Variants in DDX54 observed in about 807,000 individuals in gnomAD.
The protein encoded by DDX54 is ATP-dependent RNA helicase DDX54.
A neutral mutation model predicts 105.5 loss-of-function variants in DDX54; 67 were observed. That is an observed-to-expected ratio of 0.64 (90% CI 0.52 to 0.78). The LOEUF is 0.78. Among genes scored for constraint, DDX54 ranks in the 30% least tolerant of loss-of-function variants. The pLI is 0.00. For synonymous variants in DDX54, 514 were observed against 509.9 expected (o/e 1.01, Z -0.11); for missense variants, 1,206 against 1,230.5 (o/e 0.98, Z 0.30).
At chr12:113,175,316 C>T (rs1283036396) in intron 7 of DDX54, among the ~76,000 whole-genome samples, 159 bp from the exon 8 acceptor site, 3 of 152,192 alleles carry the variant, frequency 2.0e-5, no homozygotes, top group Admixed American at 2.0e-4. Flanking sequence ...TCCTAAACAA[C>T]AATAACCTTG....
At chr12:113,161,558 C>T (rs1160833069) in intron 18 of DDX54, 176 bp from the exon 19 acceptor site, 8 of 597,750 alleles carry the variant, frequency 1.3e-5, no homozygotes, top group African/African-American at 1.3e-4. Flanking sequence ...CTGCTCGGCC[C>T]CGCCCCCAGC....
Position 113,174,974 on chromosome 12 carries a change from G to C in DDX54, c.875-38C>G, listed in dbSNP as rs766278022. On this transcript the variant is annotated intron_variant, in intron 8 of 19. Coordinates refer to ENST00000306014, the MANE Select transcript of DDX54 (RefSeq NM_024072.4). ...TGGGGGAAAGTGGGGGAGTCGCAGA[G>C]GGACTGGCCCCCAGGCCCCAGCCTG... 4.3e-6 allele frequency: 7 copies of C among 1,611,600 alleles called. No individual in the cohort carries two copies. In the South Asian group the frequency reaches 6.6e-5, roughly 15 times the overall value.
intron 11 of DDX54, among the ~76,000 whole-genome samples, chr12:113,171,492 T>A (rs1172263141): frequency 6.6e-6 from 1 of 151,518 alleles, no homozygotes; most frequent in Admixed American, 6.6e-5. Context: ...TAATCCCAGC[T>A]ACTCGGGAGG....
At chr12:113,162,885 C>T (rs765049840) in intron 17 of DDX54, 47 bp downstream of exon 17, 19 of 1,515,758 alleles carry the variant, frequency 1.3e-5, no homozygotes, top group Middle Eastern at 1.8e-4. Context: ...GCAGCTCACT[C>T]GGTCACTCAC....
At chr12:113,180,211 A>G (rs1952450712) in intron 2 of DDX54, among the ~76,000 whole-genome samples, 2 of 152,146 alleles carry the variant, frequency 1.3e-5, no homozygotes, top group African/African-American at 4.8e-5. Context: ...TCTGATGTGA[A>G]CCCACTCTTG....
Position 113,169,790 on chromosome 12 carries a change from C to T in DDX54, c.1394G>A (p.Arg465Gln), listed in dbSNP as rs773602636. The change falls in exon 12 of 20, where the codon CGA becomes CAA. Residue 465 changes from arginine (R) to glutamine (Q), a missense_variant. Transcript: ENST00000306014. ...LFLGRSLTLA[R>Q]PLKEPSGVAG... ...CTCACCTGAGGGCTCCTTGAGGGGT[C>T]GGGCGAGGGTGAGGGAGCGGCCCAG... 2.9e-5 allele frequency: 46 copies of T among 1,613,816 alleles called. 1 individual carries two copies. The East Asian group carries it at 3.1e-4, about 11-fold the overall frequency.
Position 113,158,148 on chromosome 12 carries a change from G to C in DDX54, c.*729C>G, listed in dbSNP as rs918229381. The C allele has an allele frequency of 1.2e-5, 2 of 168,418 alleles. No homozygotes were observed. The highest frequency in any genetic ancestry group is 4.7e-5 in the African/African-American group (2 of 42,248). The allele number at this position is 168,418 out of a possible 1,614,324, so 10.4% of individuals were successfully genotyped here. ...TCAAACAGGGGGTGGGTGGCAAGAA[G>C]ACAGAGGACAGGCCAGGTTCTGACC... On this transcript the variant is annotated 3_prime_UTR_variant, in exon 20 of 20. Coordinates refer to ENST00000306014, the MANE Select transcript of DDX54 (RefSeq NM_024072.4). This position sits in a 1 kb window ranked among gnomAD's most constrained non-coding sequence, Gnocchi z 4.9.
chr12:113,157,259 T>C lies in DDX54; in HGVS notation c.*1618A>G. ...ACAAAAGGAGAGCCACCCACGGAGA[T>C]AAGAGTAGGTCACAAACCAATGAAT... On this transcript the variant is annotated 3_prime_UTR_variant, in exon 20 of 20. Coordinates refer to ENST00000306014, the MANE Select transcript of DDX54 (RefSeq NM_024072.4). 3.6e-6 allele frequency: 1 copy of C among 280,672 alleles called. No homozygotes were observed. The highest frequency in any genetic ancestry group is 6.7e-6 in the Non-Finnish European group (1 of 148,750). 17.4% of individuals were successfully genotyped at this position (280,672 alleles called of 1,614,324 possible).
intron 12 of DDX54, chr12:113,168,100 G>C (rs1396829006): frequency 2.6e-6 from 1 of 380,394 alleles, no homozygotes; most frequent in Non-Finnish European, 5.2e-6. Flanking sequence ...ACCCCGGCCA[G>C]GCCCCGCAGC....
intron 3 of DDX54, among the ~76,000 whole-genome samples, chr12:113,179,639 T>A (rs747420182): frequency 3.3e-5 from 5 of 152,098 alleles, no homozygotes; most frequent in Admixed American, 3.3e-4. Flanking sequence ...GGGCGAAATG[T>A]CTAAGAAGAA....
chr12:113,184,221 C>G (rs1228231885), intron 1 of DDX54, among the ~76,000 whole-genome samples: 1 of 152,178 alleles, frequency 6.6e-6, no homozygotes, highest in African/African-American at 2.4e-5. Context: ...GCTGGGATTA[C>G]AGGCGTGAGC....
At chr12:113,177,837 G>A (rs1022619810) in intron 5 of DDX54, among the ~76,000 whole-genome samples, 3 of 152,170 alleles carry the variant, frequency 2.0e-5, no homozygotes, top group East Asian at 1.9e-4. Flanking sequence ...TAAAACAGAC[G>A]TGGCACCTAC....
At position 113,159,986 on chromosome 12, in the gene DDX54, G is replaced by A. The variant is rs578046513; in HGVS notation, c.2414-877C>T. On this transcript the variant is annotated intron_variant, in intron 19 of 19. Coordinates refer to ENST00000306014, the MANE Select transcript of DDX54 (RefSeq NM_024072.4). ...TCGCAGGACCTATCACCTCCAATGA[G>A]GACAGCAAAGGAAGAACAGCTGCTT... 2.0e-5 allele frequency among the ~76,000 whole-genome samples: 3 copies of A among 152,256 alleles called. No homozygotes were observed. The East Asian group carries it at 5.8e-4, about 29-fold the overall frequency.
At chr12:113,181,574 G>A (rs1007324359) in intron 1 of DDX54, among the ~76,000 whole-genome samples, 1 of 151,484 alleles carries the variant, frequency 6.6e-6, no homozygotes, top group African/African-American at 2.4e-5. Context: ...GCCTCCCAAA[G>A]TGTTGGGATT....
intron 1 of DDX54, among the ~76,000 whole-genome samples, chr12:113,182,091 T>C (rs1952474758): frequency 6.6e-6 from 1 of 152,198 alleles, no homozygotes. Flanking sequence ...CTGAGAATTA[T>C]ACAAATTAAC....
In DDX54 at chr12:113,157,988, C is replaced by A; in HGVS notation, c.*889G>T. ...AGGGTGGTTGGGGCATGAAAAAAAA[C>A]TCTTTGTCAGGTCTCAGAACAGGGT... On this transcript the variant is annotated 3_prime_UTR_variant, in exon 20 of 20. Transcript: ENST00000306014. The A allele has an allele frequency of 2.4e-6, 1 of 420,666 alleles. No homozygotes were observed. The highest frequency in any genetic ancestry group is 4.4e-6 in the Non-Finnish European group (1 of 228,400). 26.1% of individuals were successfully genotyped at this position (420,666 alleles called of 1,614,324 possible).
Position 113,185,185 on chromosome 12 carries a change from A to G in DDX54, c.174+93T>C, listed in dbSNP as rs571062243. ...CAGCCTCCCTCCCCACACTCTGCGG[A>G]GCCCAATCCCCAGCTGGGGAAACTG... On this transcript the variant is annotated intron_variant, in intron 1 of 19. Coordinates refer to ENST00000306014, the MANE Select transcript of DDX54 (RefSeq NM_024072.4). The G allele has an allele frequency of 9.1e-5, 126 of 1,392,164 alleles. No homozygotes were observed. In the Admixed American group the frequency reaches 3.8e-3, roughly 43 times the overall value. 86.2% of individuals were successfully genotyped at this position (1,392,164 alleles called of 1,614,324 possible). A position where few individuals can be genotyped will look rare whatever the true frequency, so the allele number is the denominator to read the frequency against.
chr12:113,175,951 A>G (rs1952397190), intron 7 of DDX54, among the ~76,000 whole-genome samples: 1 of 151,272 alleles, frequency 6.6e-6, no homozygotes, highest in African/African-American at 2.4e-5. Flanking sequence ...AGACCCTGTC[A>G]CCATCAATCA....
At chr12:113,160,819 C>T (rs535867577) in intron 19 of DDX54, among the ~76,000 whole-genome samples, 21 of 152,302 alleles carry the variant, frequency 1.4e-4, no homozygotes, top group African/African-American at 4.1e-4. Context: ...TCAATTCATG[C>T]TCACTGTCAG....
Sources: allele counts gnomAD v4.1 joint callset (sites outside exome capture counted in the v4.1 genomes callset), GRCh38; gene constraint gnomAD v4.1.1; non-coding constraint Gnocchi (gnomAD v3.1); transcripts MANE v1.5; gene names NCBI Gene and HGNC (gene_info 2026-07-23, HGNC 2026-07-21).